Variants in TMEM132C observed in about 807,000 individuals in gnomAD.
The protein encoded by TMEM132C is transmembrane protein 132C.
Under a neutral mutation model 61.4 loss-of-function variants are expected in TMEM132C, and 29 were observed. The observed-to-expected ratio is 0.47, with a 90% CI of 0.35 to 0.64. The LOEUF is 0.64. Ranked by LOEUF, TMEM132C falls within the 30% of genes least tolerant of loss-of-function variation. The pLI is 0.00. For missense variants in TMEM132C, 1,408 were observed against 1,476.9 expected (o/e 0.95, Z 0.76); for synonymous variants, 656 against 633.1 (o/e 1.04, Z -0.54).
At chr12:128,665,477 G>A (rs1461771420) in intron 4 of TMEM132C, among the ~76,000 whole-genome samples, 4 of 118,210 alleles carry the variant, frequency 3.4e-5, no homozygotes, top group East Asian at 2.8e-4. Context: ...AAACATAGGC[G>A]CACACACACA....
intron 2 of TMEM132C, among the ~76,000 whole-genome samples, chr12:128,504,390 A>G (rs140328760): frequency 1.3e-5 from 2 of 152,338 alleles, no homozygotes; most frequent in African/African-American, 4.8e-5. Context: ...AGGGGAATGT[A>G]TATAGTGAAA....
intron 1 of TMEM132C, among the ~76,000 whole-genome samples, chr12:128,286,703 G>A (rs1325938034): frequency 6.6e-6 from 1 of 152,156 alleles, no homozygotes; most frequent in Non-Finnish European, 1.5e-5. Flanking sequence ...AAGTGGCTCA[G>A]TTTGGGCACA....
intron 1 of TMEM132C, among the ~76,000 whole-genome samples, chr12:128,305,614 A>G (rs1309781694): frequency 6.6e-6 from 1 of 151,620 alleles, no homozygotes; most frequent in Non-Finnish European, 1.5e-5. Context: ...TGGGCATTAG[A>G]TGACATTTAA....
chr12:128,458,606 G>A (rs1311762138), intron 2 of TMEM132C, among the ~76,000 whole-genome samples: 1 of 152,056 alleles, frequency 6.6e-6, no homozygotes, highest in African/African-American at 2.4e-5. Context: ...GGGACAGGAA[G>A]GGCTCATCCC....
chr12:128,374,129 C>A (rs977538109), intron 1 of TMEM132C, among the ~76,000 whole-genome samples: 1 of 152,066 alleles, frequency 6.6e-6, no homozygotes, highest in African/African-American at 2.4e-5. Flanking sequence ...GATGACTGGC[C>A]CGGGTGGGGA....
chr12:128,387,887 C>T (rs1874636653), intron 1 of TMEM132C, among the ~76,000 whole-genome samples: 1 of 152,202 alleles, frequency 6.6e-6, no homozygotes, highest in South Asian at 2.1e-4. Flanking sequence ...CCCGTGCAGG[C>T]GGGAGTCGCC....
intron 2 of TMEM132C, among the ~76,000 whole-genome samples, chr12:128,423,255 T>C (rs968175823): frequency 6.6e-6 from 1 of 152,076 alleles, no homozygotes; most frequent in Non-Finnish European, 1.5e-5. Flanking sequence ...GCACAGAAGG[T>C]GATGTTCTTT....
chr12:128,551,510 A>G (rs1305099060), intron 3 of TMEM132C, among the ~76,000 whole-genome samples: 4 of 152,138 alleles, frequency 2.6e-5, no homozygotes, highest in African/African-American at 9.7e-5. Context: ...AAGTCAGCCA[A>G]CAATTTACCA....
intron 2 of TMEM132C, among the ~76,000 whole-genome samples, chr12:128,440,029 T>G (rs1869730667): frequency 1.3e-5 from 2 of 152,226 alleles, no homozygotes; most frequent in African/African-American, 4.8e-5. Flanking sequence ...GCTTTTCTCT[T>G]TCTGTTTGGA....
At chr12:128,427,424 GTGTGTA>G (rs1462899142) in intron 2 of TMEM132C, among the ~76,000 whole-genome samples, 166 of 143,732 alleles carry the variant, frequency 1.2e-3, no homozygotes, top group African/African-American at 4.2e-3. Flanking sequence ...GTGTGTGTGT[GTGTGTA>G]TATATATTTA....
At chr12:128,388,290 C>T (rs1024950421) in intron 1 of TMEM132C, among the ~76,000 whole-genome samples, 5 of 152,258 alleles carry the variant, frequency 3.3e-5, no homozygotes, top group Non-Finnish European at 7.3e-5. Flanking sequence ...GACGGCCCCT[C>T]CCTGACTCCA....
chr12:128,707,647 C>T lies in TMEM132C; in HGVS notation c.*1352C>T, dbSNP rs906094044. On this transcript the variant is annotated 3_prime_UTR_variant, in exon 9 of 9. Coordinates refer to ENST00000435159, the MANE Select transcript of TMEM132C (RefSeq NM_001136103.3). ...CCTGACTCCAGTTCTCCGTGTGCTC[C>T]ATTGGCTGCGGCTGCAGGAGGAAGA... 5.3e-5 allele frequency: 8 copies of T among 152,304 alleles called. No homozygotes were observed. Among genetic ancestry groups the T allele is most frequent in the East Asian group, 1.9e-4 (1 of 5,174 alleles). The allele number at this position is 152,304 out of a possible 1,614,324, so 9.4% of individuals were successfully genotyped here.
chr12:128,608,586 TAAAG>T (rs1048985887), intron 3 of TMEM132C, among the ~76,000 whole-genome samples: 3 of 151,946 alleles, frequency 2.0e-5, no homozygotes, highest in African/African-American at 7.3e-5. Flanking sequence ...AATTAGGAAA[TAAAG>T]AAAAAAAGAA....
intron 4 of TMEM132C, among the ~76,000 whole-genome samples, chr12:128,642,249 A>G (rs546522134): frequency 1.3e-5 from 2 of 151,468 alleles, no homozygotes; most frequent in Admixed American, 1.3e-4. Flanking sequence ...CTCCTGCCTC[A>G]GCCTCCCAAG....
At chr12:128,389,810 T>G (rs768925423) in intron 1 of TMEM132C, among the ~76,000 whole-genome samples, 4 of 152,224 alleles carry the variant, frequency 2.6e-5, no homozygotes, top group Non-Finnish European at 4.4e-5. Context: ...CCTCACCGCA[T>G]TAAGAAGCTT....
In TMEM132C at chr12:128,340,938, CTCTCTCTT is replaced by C. The variant is rs1449262078; in HGVS notation, c.85+73455_85+73462del. 1.7e-3 allele frequency among the ~76,000 whole-genome samples: 214 copies of C among 124,910 alleles called. 1 individual carries two copies. Among genetic ancestry groups the C allele is most frequent in the African/African-American group, 6.6e-3 (171 of 25,838 alleles). The allele number at this position is 124,910 out of a possible 152,430, so 81.9% of individuals were successfully genotyped here. The stretch of plus-strand genomic sequence containing the variant: ...TCTTTCTCTCTCTCTCTCTCTCTCT[CTCTCTCTT>C]TCTTTCTTTCTTTCTTTCTTTTTTG... On this transcript the variant is annotated intron_variant, in intron 1 of 8. Coordinates refer to ENST00000435159, the MANE Select transcript of TMEM132C (RefSeq NM_001136103.3).
chr12:128,414,417 C>A (rs369631937), intron 1 of TMEM132C, among the ~76,000 whole-genome samples: 19 of 152,238 alleles, frequency 1.2e-4, no homozygotes, highest in Admixed American at 9.2e-4. Flanking sequence ...TAATAAAATA[C>A]CCACTTTACT....
At chr12:128,274,889 C>G (rs1052036194) in intron 1 of TMEM132C, among the ~76,000 whole-genome samples, 2 of 148,956 alleles carry the variant, frequency 1.3e-5, no homozygotes, top group Non-Finnish European at 3.0e-5. Flanking sequence ...TCAGGTGATT[C>G]TAACTCTCAG....
intron 1 of TMEM132C, chr12:128,399,893 A>G (rs1875090569): frequency 6.6e-6 from 1 of 152,206 alleles, no homozygotes; most frequent in Non-Finnish European, 1.5e-5. Flanking sequence ...AAGTTTTATT[A>G]GAACACAGAA....
Sources: allele counts gnomAD v4.1 joint callset (sites outside exome capture counted in the v4.1 genomes callset), GRCh38; gene constraint gnomAD v4.1.1; transcripts MANE v1.5; gene names NCBI Gene and HGNC (gene_info 2026-07-23, HGNC 2026-07-21).